The following LHFPL4 variants were observed in gnomAD, a reference collection of about 807,000 sequenced individuals.
The protein encoded by LHFPL4 is LHFPL tetraspan subfamily member 4.
In LHFPL4, 6 loss-of-function variants were observed where a neutral mutation model predicts 20.0. The ratio of observed to expected loss-of-function variants is 0.30; its 90% CI spans 0.16 to 0.59. The LOEUF (loss-of-function observed/expected upper bound fraction) is 0.59, where lower values mean the gene tolerates loss of function less well. Among genes scored for constraint, LHFPL4 ranks in the 20% least tolerant of loss-of-function variants. The pLI, the probability that LHFPL4 is intolerant of heterozygous loss-of-function variation, is 0.88. For synonymous variants in LHFPL4, 129 were observed against 143.8 expected (o/e 0.90, Z 0.74); for missense variants, 215 against 331.2 (o/e 0.65, Z 2.72).
At chr3:9,545,864 G>A (rs962041879) in intron 2 of LHFPL4, among the ~76,000 whole-genome samples, 1 of 149,062 alleles carries the variant, frequency 6.7e-6, no homozygotes, top group Non-Finnish European at 1.5e-5. Context: ...AGCCATGATC[G>A]CACCACTGCA....
At chr3:9,502,410 T>C (rs1333587980) in intron 3 of LHFPL4, 99 bp from the exon 4 acceptor site, 1 of 894,222 alleles carries the variant, frequency 1.1e-6, no homozygotes, top group African/African-American at 1.7e-5. Flanking sequence ...AGGGCACAAG[T>C]GGGCAGAGGG....
At chr3:9,505,690 C>T (rs1169715839) in intron 3 of LHFPL4, among the ~76,000 whole-genome samples, 9 of 152,160 alleles carry the variant, frequency 5.9e-5, no homozygotes, top group African/African-American at 2.2e-4. Flanking sequence ...TCCCAAAGTG[C>T]TGGGATTACA....
chr3:9,512,223 G>GC lies in LHFPL4; in HGVS notation c.407-6021dup, dbSNP rs2046266197. Among the ~76,000 whole-genome samples the GC allele has an allele frequency of 2.6e-5, 4 of 152,294 alleles. No homozygotes were observed. In the South Asian group the frequency reaches 8.3e-4, roughly 32 times the overall value. On this transcript the variant is annotated intron_variant, in intron 2 of 3. Transcript: ENST00000287585. ...TGGGATTACAGGCGTGAGCCACCGC[G>GC]CCGGCCTACATGGCAATTTTAGGTA...
chr3:9,522,478 G>C (rs1410202481), intron 2 of LHFPL4, among the ~76,000 whole-genome samples: 1 of 151,372 alleles, frequency 6.6e-6, no homozygotes, highest in Non-Finnish European at 1.5e-5. Context: ...GGTGGCTCAT[G>C]CCTGTAATCC....
At chr3:9,510,749 T>A (rs927086838) in intron 2 of LHFPL4, among the ~76,000 whole-genome samples, 3 of 150,830 alleles carry the variant, frequency 2.0e-5, no homozygotes, top group Non-Finnish European at 3.0e-5. Flanking sequence ...ACCAGCCTGG[T>A]CAACATGGTG....
At chr3:9,522,691 C>T (rs1365120510) in intron 2 of LHFPL4, among the ~76,000 whole-genome samples, 1 of 149,120 alleles carries the variant, frequency 6.7e-6, no homozygotes, top group East Asian at 2.0e-4. Context: ...TGCAGTGAGC[C>T]GAGATTGTGC....
intron 2 of LHFPL4, among the ~76,000 whole-genome samples, chr3:9,533,554 G>C (rs1269121467): frequency 1.3e-5 from 2 of 152,192 alleles, no homozygotes; most frequent in Non-Finnish European, 2.9e-5. Context: ...AGGCCAAGGT[G>C]GGCGGATCAC....
Position 9,502,283 on chromosome 3 carries a change from C to T in LHFPL4, c.672G>A (p.Val224=). The T allele has an allele frequency of 6.2e-7, 1 of 1,613,822 alleles. No individual in the cohort carries two copies. Among genetic ancestry groups the T allele is most frequent in the South Asian group, 1.1e-5 (1 of 91,072 alleles). ...CAGAGACATCACCCCCGGGCCGCAACACGGAGCTTACTGTAGAGCCCACAA... is the reference window on the plus strand; with the variant it reads ...CAGAGACATCACCCCCGGGCCGCAATACGGAGCTTACTGTAGAGCCCACAA... ...KDFVGSTVSS[V]LRPGGDVSGW... The change falls in exon 4 of 4, where the codon GTG becomes GTA. Residue 224 remains valine (V), a synonymous_variant. Coordinates refer to ENST00000287585, the MANE Select transcript of LHFPL4 (RefSeq NM_198560.3).
At position 9,502,294 on chromosome 3, in the gene LHFPL4, C is replaced by T; in HGVS notation, c.661G>A (p.Val221Ile). ...PENKDFVGST[V>I]SSVLRPGGDV... is the part of the protein sequence containing the mutation. ...CCCCCGGGCCGCAACACGGAGCTTA[C>T]TGTAGAGCCCACAAAATCTAAGAGA... is the stretch of plus-strand genomic sequence containing the variant. Residue 221 changes from valine to isoleucine, a missense_variant, in exon 4 of 4, where the codon GTA (valine) becomes ATA (isoleucine). Physicochemically the swap from Val to Ile is conservative, Grantham distance 29 (BLOSUM62 3). Around this residue, in one of 2 missense-constraint regions of LHFPL4, gnomAD observed 51 missense variants for 44.5 expected, o/e 1.15. Coordinates refer to ENST00000287585, the MANE Select transcript of LHFPL4 (RefSeq NM_198560.3). The T allele has an allele frequency of 1.2e-6, 2 of 1,612,336 alleles. No homozygotes were observed. The highest frequency in any genetic ancestry group is 1.1e-5 in the South Asian group (1 of 91,026).
chr3:9,527,468 T>G (rs2046382815), intron 2 of LHFPL4, among the ~76,000 whole-genome samples: 1 of 151,942 alleles, frequency 6.6e-6, no homozygotes. Context: ...GTAGTCTCAC[T>G]TATTTGGGAG....
At position 9,507,714 on chromosome 3, in the gene LHFPL4, G is replaced by A. The variant is rs568590833; in HGVS notation, c.407-1511C>T. 2.0e-5 allele frequency among the ~76,000 whole-genome samples: 3 copies of A among 152,352 alleles called. No individual in the cohort carries two copies. In the South Asian group the frequency reaches 6.2e-4, roughly 32 times the overall value. On this transcript the variant is annotated intron_variant, in intron 2 of 3. Coordinates refer to ENST00000287585, the MANE Select transcript of LHFPL4 (RefSeq NM_198560.3). ...CCCACCTGTCCCAATCCCCGCCCAG[G>A]TGGGCCCTTGGCCAGCACTTAGCCT...
At chr3:9,546,466 C>T (rs554761442) in intron 2 of LHFPL4, among the ~76,000 whole-genome samples, 13 of 152,264 alleles carry the variant, frequency 8.5e-5, no homozygotes, top group Admixed American at 2.6e-4. Flanking sequence ...TTCTCTGCTG[C>T]GGTCCAGGTA....
intron 2 of LHFPL4, among the ~76,000 whole-genome samples, chr3:9,538,538 T>C (rs1310860375): frequency 6.6e-6 from 1 of 152,200 alleles, no homozygotes; most frequent in Non-Finnish European, 1.5e-5. Flanking sequence ...TGTGCCATGG[T>C]GTGCACGCAA....
chr3:9,520,380 G>A (rs1300801778), intron 2 of LHFPL4, among the ~76,000 whole-genome samples: 1 of 152,066 alleles, frequency 6.6e-6, no homozygotes, highest in Non-Finnish European at 1.5e-5. Context: ...TTGAGATGGA[G>A]TCTTGCTCTG....
intron 2 of LHFPL4, among the ~76,000 whole-genome samples, chr3:9,517,801 G>GTTTTTGTTTTTTTTT (rs1559517241): frequency 1.3e-5 from 1 of 75,578 alleles, no homozygotes; most frequent in Non-Finnish European, 3.4e-5. Flanking sequence ...GGGTTTTTTT[G>GTTTTTGTTTTTTTTT]TTTTTTGTTT....
intron 2 of LHFPL4, among the ~76,000 whole-genome samples, chr3:9,512,003 G>A (rs2046264358): frequency 1.3e-5 from 2 of 151,754 alleles, no homozygotes; most frequent in Middle Eastern, 3.4e-3. Context: ...CGCAATCTCG[G>A]CTCACCGCAA....
intron 2 of LHFPL4, among the ~76,000 whole-genome samples, chr3:9,527,079 G>T (rs1559519647): frequency 6.6e-6 from 1 of 151,998 alleles, no homozygotes; most frequent in African/African-American, 2.4e-5. Flanking sequence ...AGTAAGCAGG[G>T]GTACACAGAA....
At chr3:9,523,985 C>G (rs1032571360) in intron 2 of LHFPL4, among the ~76,000 whole-genome samples, 5 of 95,556 alleles carry the variant, frequency 5.2e-5, no homozygotes, top group East Asian at 6.5e-4. Context: ...CTAGTATTTC[C>G]CCCCCCCCCA....
intron 2 of LHFPL4, among the ~76,000 whole-genome samples, chr3:9,520,345 T>C (rs2046329655): frequency 6.6e-6 from 1 of 151,868 alleles, no homozygotes; most frequent in Admixed American, 6.6e-5. Flanking sequence ...AGGTTTTTTG[T>C]TGTTGTTGTT....
Sources: gnomAD v4.1 joint callset for allele counts (sites outside exome capture counted in the v4.1 genomes callset) on GRCh38, gnomAD v4.1.1 for gene constraint, gnomAD v4.1.1 regional missense constraint, MANE v1.5 for transcripts, NCBI Gene and HGNC (gene_info 2026-07-23, HGNC 2026-07-21) for gene names.